The following MAD1L1 variants were observed in gnomAD, a reference collection of about 807,000 sequenced individuals.
The protein encoded by MAD1L1 is mitotic arrest deficient 1 like 1, also known as mitotic spindle assembly checkpoint protein MAD1.
A neutral mutation model predicts 96.9 loss-of-function variants in MAD1L1; 95 were observed. That is an observed-to-expected ratio of 0.98 (90% CI 0.83 to 1.16). MAD1L1 has a LOEUF of 1.16. Ranked by LOEUF, MAD1L1 falls within the 50% of genes most tolerant of loss-of-function variation. The pLI, the probability that MAD1L1 is intolerant of heterozygous loss-of-function variation, is 0.00. For missense variants in MAD1L1, 1,007 were observed against 954.4 expected (o/e 1.06, Z -0.73); for synonymous variants, 473 against 396.6 (o/e 1.19, Z -2.29).
intron 18 of MAD1L1, among the ~76,000 whole-genome samples, chr7:1,852,089 GA>G: frequency 6.6e-6 from 1 of 152,230 alleles, no homozygotes; most frequent in Non-Finnish European, 1.5e-5. Context: ...GGGCCCTCCT[GA>G]GGCCCGAGAC....
At position 2,071,619 on chromosome 7, in the gene MAD1L1, C is replaced by G. The variant is rs1451095001; in HGVS notation, c.1074-2281G>C. Reference sequence around the variant, plus strand: ...GACTAGAGGCTCGGGACTTCAGCCCCACCCCTAAGCTGGGGAAGGAGAGGG... The same window carrying G: ...GACTAGAGGCTCGGGACTTCAGCCCGACCCCTAAGCTGGGGAAGGAGAGGG... On this transcript the variant is annotated intron_variant, in intron 11 of 18. Transcript: ENST00000265854. Among the ~76,000 whole-genome samples the G allele has an allele frequency of 2.0e-5, 3 of 152,312 alleles. No individual in the cohort carries two copies. The East Asian group carries it at 5.8e-4, about 29-fold the overall frequency.
chr7:1,960,591 C>T (rs1779913360), intron 15 of MAD1L1, among the ~76,000 whole-genome samples: 1 of 152,132 alleles, frequency 6.6e-6, no homozygotes, highest in Non-Finnish European at 1.5e-5. Context: ...ATTGATTAAT[C>T]AAAGGAAAAT....
At chr7:1,946,648 G>A (rs1423178538) in intron 16 of MAD1L1, among the ~76,000 whole-genome samples, 8 of 152,258 alleles carry the variant, frequency 5.3e-5, no homozygotes, top group Non-Finnish European at 1.0e-4. Flanking sequence ...AAGCGGAAGA[G>A]CCGGCTGGCG....
chr7:2,018,536 A>G (rs907320043), intron 12 of MAD1L1, among the ~76,000 whole-genome samples: 4 of 152,188 alleles, frequency 2.6e-5, no homozygotes, highest in Non-Finnish European at 5.9e-5. Flanking sequence ...GCAGGCGCCC[A>G]GCACTCCCTA....
Position 1,941,103 on chromosome 7 carries a change from C to A in MAD1L1, c.1597-4206G>T, listed in dbSNP as rs560098128. 1.1e-3 allele frequency among the ~76,000 whole-genome samples: 157 copies of A among 147,226 alleles called. 1 individual carries two copies. The highest frequency in any genetic ancestry group is 3.9e-3 in the African/African-American group (154 of 39,860). On this transcript the variant is annotated intron_variant, in intron 16 of 18. Coordinates refer to ENST00000265854, the MANE Select transcript of MAD1L1 (RefSeq NM_001013836.2). ...TAGAGGCTGCCCAGCAAGGCCTCGC[C>A]TGGCCCCAGCATCCTCCTACTTAGC...
chr7:1,822,817 C>G (rs904392836), intron 18 of MAD1L1, among the ~76,000 whole-genome samples: 24 of 151,380 alleles, frequency 1.6e-4, no homozygotes, highest in African/African-American at 5.8e-4. Flanking sequence ...AGAGGAATTG[C>G]CCTTCCTGAT....
rs1221143119 is a variant in MAD1L1 at position 1,978,647 on chromosome 7, C to T, written c.1505+1806G>A. ...ACTCACACACAGCCCCCAACCCCAT[C>T]AACCCGAAGACCACACGCAGACGCA... On this transcript the variant is annotated intron_variant, in intron 15 of 18. Coordinates refer to ENST00000265854, the MANE Select transcript of MAD1L1 (RefSeq NM_001013836.2). Among the ~76,000 whole-genome samples, 3 of 152,286 alleles carry T rather than the reference C, an allele frequency of 2.0e-5. No individual in the cohort carries two copies. In the East Asian group the frequency reaches 5.8e-4, roughly 29 times the overall value.
intron 10 of MAD1L1, among the ~76,000 whole-genome samples, chr7:2,200,062 C>A (rs765687250): frequency 2.6e-5 from 4 of 152,246 alleles, no homozygotes; most frequent in Non-Finnish European, 4.4e-5. Context: ...TCTCAGAGCT[C>A]TTCCCACGCC....
At chr7:2,148,163 A>G (rs879675764) in intron 11 of MAD1L1, among the ~76,000 whole-genome samples, 34 of 152,234 alleles carry the variant, frequency 2.2e-4, no homozygotes, top group Non-Finnish European at 4.9e-4. Flanking sequence ...TTTCAAAGTG[A>G]CATCAGCCCC....
intron 15 of MAD1L1, among the ~76,000 whole-genome samples, chr7:1,967,074 T>C (rs1780200505): frequency 6.6e-6 from 1 of 152,170 alleles, no homozygotes; most frequent in African/African-American, 2.4e-5. Context: ...AAACACTGTA[T>C]GACTGAAAAC....
intron 18 of MAD1L1, among the ~76,000 whole-genome samples, chr7:1,859,401 G>A (rs1439277351): frequency 6.6e-6 from 1 of 152,214 alleles, no homozygotes; most frequent in Non-Finnish European, 1.5e-5. Context: ...GAAGGATCAG[G>A]GCAGAGCCAC....
At position 2,076,479 on chromosome 7, in the gene MAD1L1, C is replaced by T. The variant is rs985568776; in HGVS notation, c.1074-7141G>A. On this transcript the variant is annotated intron_variant, in intron 11 of 18. Coordinates refer to ENST00000265854, the MANE Select transcript of MAD1L1 (RefSeq NM_001013836.2). ...TCCTCAGCTCCACAGCTGTGAGAAA[C>T]GGACGTCTGTTCAGATCCCCGACTA... 3.9e-5 allele frequency among the ~76,000 whole-genome samples: 6 copies of T among 152,248 alleles called. No individual in the cohort carries two copies. In the South Asian group the frequency reaches 8.3e-4, roughly 21 times the overall value.
At chr7:2,091,436 T>C (rs925793819) in intron 11 of MAD1L1, among the ~76,000 whole-genome samples, 3 of 152,236 alleles carry the variant, frequency 2.0e-5, no homozygotes, top group Non-Finnish European at 2.9e-5. Context: ...GAGTTCATGC[T>C]GATGTCTGGC....
In MAD1L1 at chr7:1,870,792, G is replaced by A. The variant is rs1435881745; in HGVS notation, c.1998+27408C>T. 4.5e-5 allele frequency among the ~76,000 whole-genome samples: 5 copies of A among 112,284 alleles called. No individual in the cohort carries two copies. The Admixed American group carries it at 4.7e-4, about 10-fold the overall frequency. 73.7% of individuals were successfully genotyped at this position (112,284 alleles called of 152,430 possible). A position where few individuals can be genotyped will look rare whatever the true frequency, so the allele number is the denominator to read the frequency against. On this transcript the variant is annotated intron_variant, in intron 18 of 18. Transcript: ENST00000265854. Reference sequence around the variant, plus strand: ...AACCGACCATAACACCTGCCACGCTGAACCCAACATATGCCTGCCACGCTG... The same window carrying A: ...AACCGACCATAACACCTGCCACGCTAAACCCAACATATGCCTGCCACGCTG...
intron 12 of MAD1L1, among the ~76,000 whole-genome samples, chr7:2,048,718 C>G (rs2128516063): frequency 6.6e-6 from 1 of 152,342 alleles, no homozygotes; most frequent in East Asian, 1.9e-4. Flanking sequence ...CCGCACTCAG[C>G]TGAACGGAGC....
rs139080539 is a variant in MAD1L1, at chr7:2,170,049, G to A, written c.987-20811C>T. On this transcript the variant is annotated intron_variant, in intron 10 of 18. Coordinates refer to ENST00000265854, the MANE Select transcript of MAD1L1 (RefSeq NM_001013836.2). ...CGAAGGGGCCCTGCCTCCCGGACTC[G>A]TGCCCTCAGGTCGTCCCTTCCACAA... Among the ~76,000 whole-genome samples, 255 of 152,256 alleles carry A rather than the reference G, an allele frequency of 1.7e-3. 2 individuals carry two copies. The highest frequency in any genetic ancestry group is 5.5e-3 in the African/African-American group (230 of 41,530).
At chr7:2,219,288 C>A (rs577471228) in intron 6 of MAD1L1, 44 bp downstream of exon 6, 2 of 1,523,848 alleles carry the variant, frequency 1.3e-6, no homozygotes, top group Non-Finnish European at 8.8e-7. Context: ...CGCATGCCCC[C>A]ACACGTGACC....
At chr7:1,977,348 G>C (rs759818088) in intron 15 of MAD1L1, among the ~76,000 whole-genome samples, 3 of 152,248 alleles carry the variant, frequency 2.0e-5, no homozygotes, top group Non-Finnish European at 4.4e-5. Flanking sequence ...CTCCGCAGCT[G>C]CTGGCCCAGG....
chr7:1,920,065 C>T (rs1342488335), intron 17 of MAD1L1, among the ~76,000 whole-genome samples: 2 of 152,124 alleles, frequency 1.3e-5, no homozygotes, highest in East Asian at 3.9e-4. Flanking sequence ...GCTGCAGCAG[C>T]GTTAGGAGAC....
Sources: allele counts gnomAD v4.1 joint callset (sites outside exome capture counted in the v4.1 genomes callset), GRCh38; gene constraint gnomAD v4.1.1; transcripts MANE v1.5; gene names NCBI Gene and HGNC (gene_info 2026-07-23, HGNC 2026-07-21).